USH2A: variants seen among roughly 807,000 people sequenced by gnomAD.
The protein encoded by USH2A is Usher syndrome 2A (autosomal recessive, mild).
In USH2A, 443 loss-of-function variants were observed where a neutral mutation model predicts 538.9. That is an observed-to-expected ratio of 0.82 (90% CI 0.76 to 0.89). The LOEUF (loss-of-function observed/expected upper bound fraction) is 0.89, where lower values mean the gene tolerates loss of function less well. Ranked by LOEUF, USH2A falls within the 40% of genes least tolerant of loss-of-function variation. The probability of loss-of-function intolerance (pLI) is 0.00; values close to 1 mark genes in which losing one functional copy is unlikely to be tolerated. For missense variants in USH2A, 6,633 were observed against 6,324.8 expected, an observed-to-expected ratio of 1.05 and a Z score of -1.65; for synonymous variants, 2,413 against 2,273.5, an observed-to-expected ratio of 1.06 and a Z score of -1.75.
intron 21 of USH2A, among the ~76,000 whole-genome samples, chr1:216,170,367 G>A (rs1366448954): frequency 1.3e-5 from 2 of 152,044 alleles, no homozygotes. Context: ...ATCATTTAGT[G>A]TCCTTGAACA....
chr1:215,911,837 G>A (rs1665792785), intron 38 of USH2A, among the ~76,000 whole-genome samples: 1 of 151,982 alleles, frequency 6.6e-6, no homozygotes, highest in Admixed American at 6.6e-5. Context: ...CAGGGTACAA[G>A]GGTTCCCTTT....
In USH2A at chr1:215,780,159, C is replaced by A; in HGVS notation, c.10741-118G>T. On this transcript the variant is annotated intron_variant, in intron 54 of 71. Coordinates refer to ENST00000307340, the MANE Select transcript of USH2A (RefSeq NM_206933.4). ...TGGCCTGGCATATCATTAGCAGGGG[C>A]TTGGAGAAGCATTTCCCTTTTTTTT... The A allele has an allele frequency of 2.7e-6, 3 of 1,116,542 alleles. No homozygotes were observed. In the South Asian group the frequency reaches 4.0e-5, roughly 15 times the overall value. The allele number at this position is 1,116,542 out of a possible 1,614,324, so 69.2% of individuals were successfully genotyped here. A position where few individuals can be genotyped will look rare whatever the true frequency, so the allele number is the denominator to read the frequency against.
intron 26 of USH2A, among the ~76,000 whole-genome samples, chr1:216,083,096 T>A (rs1368167807): frequency 6.6e-6 from 1 of 152,018 alleles, no homozygotes; most frequent in African/African-American, 2.4e-5. Flanking sequence ...TATACTTGAT[T>A]ATCTATATGT....
intron 6 of USH2A, among the ~76,000 whole-genome samples, chr1:216,325,030 AC>A (rs942606232): frequency 2.0e-5 from 3 of 152,150 alleles, no homozygotes; most frequent in Non-Finnish European, 4.4e-5. Flanking sequence ...TCACAGAGAA[AC>A]AAGGAAGGAC....
At chr1:215,775,053 GC>G (rs1318336396) in intron 55 of USH2A, among the ~76,000 whole-genome samples, 6 of 152,204 alleles carry the variant, frequency 3.9e-5, no homozygotes, top group African/African-American at 1.4e-4. Context: ...GGGGAATGCA[GC>G]CTGGAGCATT....
chr1:216,197,231 T>A (rs1334577612), intron 18 of USH2A, among the ~76,000 whole-genome samples: 1 of 152,122 alleles, frequency 6.6e-6, no homozygotes, highest in Non-Finnish European at 1.5e-5. Flanking sequence ...TTTTGTTAAA[T>A]TTTTCTTGAA....
At chr1:216,166,952 C>T (rs1478800242) in intron 21 of USH2A, among the ~76,000 whole-genome samples, 2 of 152,016 alleles carry the variant, frequency 1.3e-5, no homozygotes, top group Non-Finnish European at 2.9e-5. Context: ...CTTTAGATGG[C>T]TTGAGGGTTT....
chr1:215,788,485 C>T (rs991172277), intron 51 of USH2A, among the ~76,000 whole-genome samples: 1 of 146,696 alleles, frequency 6.8e-6, no homozygotes, highest in Non-Finnish European at 1.5e-5. Flanking sequence ...AAGACAACTG[C>T]CTAACTCATA....
chr1:216,266,821 T>C (rs680410), intron 11 of USH2A, among the ~76,000 whole-genome samples: 31,349 of 151,894 alleles, frequency 0.21, 3,529 homozygotes, highest in Non-Finnish European at 0.26. Context: ...AAAGGAATTA[T>C]TGAATCTAGG....
chr1:215,734,348 T>A (rs909972865), intron 60 of USH2A, among the ~76,000 whole-genome samples: 1 of 152,166 alleles, frequency 6.6e-6, no homozygotes, highest in African/African-American at 2.4e-5. Flanking sequence ...CTCAAAACCA[T>A]TCTTTCCTCC....
chr1:216,377,620 C>T lies in USH2A; in HGVS notation c.652-12535G>A, dbSNP rs535325268. 1.5e-4 allele frequency among the ~76,000 whole-genome samples: 22 copies of T among 148,864 alleles called. No individual in the cohort carries two copies. The South Asian group carries it at 4.5e-3, about 30-fold the overall frequency. Reference sequence around the variant, plus strand: ...TTTTATCATTTATATTTATTCACTCCAATTCTGACATGTTTCTTCCCAAAC... The same window carrying T: ...TTTTATCATTTATATTTATTCACTCTAATTCTGACATGTTTCTTCCCAAAC... On this transcript the variant is annotated intron_variant, in intron 3 of 71. Transcript: ENST00000307340.
chr1:215,951,957 C>G (rs1217489045), intron 37 of USH2A, among the ~76,000 whole-genome samples: 1 of 151,502 alleles, frequency 6.6e-6, no homozygotes, highest in Admixed American at 6.6e-5. Flanking sequence ...CTCCGCTTCC[C>G]GGGTTCACGC....
At chr1:216,181,377 T>A (rs1423626913) in intron 20 of USH2A, among the ~76,000 whole-genome samples, 1 of 152,118 alleles carries the variant, frequency 6.6e-6, no homozygotes, top group Non-Finnish European at 1.5e-5. Context: ...CCTTTGCTCC[T>A]GGGAAGCCAG....
At chr1:216,370,869 G>A (rs2038700712) in intron 3 of USH2A, among the ~76,000 whole-genome samples, 1 of 152,008 alleles carries the variant, frequency 6.6e-6, no homozygotes, top group South Asian at 2.1e-4. Context: ...ATTCAGGATT[G>A]GTGTCACCAC....
chr1:215,766,576 A>G (rs1342131241), intron 56 of USH2A, 105 bp downstream of exon 56: 1 of 1,081,066 alleles, frequency 9.3e-7, no homozygotes, highest in Non-Finnish European at 1.4e-6. Flanking sequence ...TGTACCTATC[A>G]ACTTTATTGC....
chr1:216,355,375 G>GAAAGAAAGAAAGAAAGAAAGAAAGA (rs748251919), intron 4 of USH2A, among the ~76,000 whole-genome samples: 1 of 133,850 alleles, frequency 7.5e-6, no homozygotes, highest in African/African-American at 2.7e-5. Context: ...AAGAAAGAAA[G>GAAAGAAAGAAAGAAAGAAAGAAAGA]AAGGAAAGAA....
chr1:215,630,955 G>T (rs1656264488), intron 70 of USH2A, among the ~76,000 whole-genome samples: 1 of 151,896 alleles, frequency 6.6e-6, no homozygotes, highest in African/African-American at 2.4e-5. Context: ...TGCAGGGAAT[G>T]AAAGGATCTT....
At chr1:216,011,608 C>T (rs973253730) in intron 32 of USH2A, among the ~76,000 whole-genome samples, 5 of 152,076 alleles carry the variant, frequency 3.3e-5, no homozygotes, top group Non-Finnish European at 7.3e-5. Flanking sequence ...AACAACTTGA[C>T]CTTACTGTTT....
intron 20 of USH2A, among the ~76,000 whole-genome samples, chr1:216,189,452 C>T (rs1404904997): frequency 6.6e-6 from 1 of 151,758 alleles, no homozygotes; most frequent in Non-Finnish European, 1.5e-5. Flanking sequence ...AAGCTTTTAT[C>T]TAGAATCAGA....
Sources: allele counts gnomAD v4.1 joint callset (sites outside exome capture counted in the v4.1 genomes callset), GRCh38; gene constraint gnomAD v4.1.1; transcripts MANE v1.5; gene names NCBI Gene and HGNC (gene_info 2026-07-23, HGNC 2026-07-21).